FREM2: variants seen among roughly 807,000 people sequenced by gnomAD.
The protein encoded by FREM2 is FRAS1 related extracellular matrix 2.
FREM2 carries 119 observed loss-of-function variants against 219.9 expected under a neutral mutation model. The ratio of observed to expected loss-of-function variants is 0.54; its 90% CI spans 0.47 to 0.63. The LOEUF (loss-of-function observed/expected upper bound fraction) is 0.63, where lower values mean the gene tolerates loss of function less well. Ranked by LOEUF, FREM2 falls within the 30% of genes least tolerant of loss-of-function variation. The pLI, the probability that FREM2 is intolerant of heterozygous loss-of-function variation, is 0.00. For synonymous variants in FREM2, 1,562 were observed against 1,522.8 expected, an observed-to-expected ratio of 1.03 and a Z score of -0.60; for missense variants, 4,030 against 3,993.6, an observed-to-expected ratio of 1.01 and a Z score of -0.25.
chr13:38,827,678 G>A (rs140255532), intron 6 of FREM2: 45 of 152,240 alleles, frequency 3.0e-4, no homozygotes, highest in African/African-American at 9.6e-4. Flanking sequence ...TAACTGTTAA[G>A]TAAGTTATAT....
chr13:38,708,031 A>G (rs1593356240), intron 2 of FREM2, among the ~76,000 whole-genome samples: 1 of 152,186 alleles, frequency 6.6e-6, no homozygotes, highest in Admixed American at 6.5e-5. Context: ...CTCCATGGCC[A>G]TTGGTTCCTT....
intron 6 of FREM2, among the ~76,000 whole-genome samples, chr13:38,831,015 C>CGGGTACTTGCAGTATAGATCTGT (rs2137888391): frequency 6.6e-6 from 1 of 152,188 alleles, no homozygotes; most frequent in South Asian, 2.1e-4. Context: ...TAAAACCCCT[C>CGGGTACTTGCAGTATAGATCTGT]GGGTACTTGC....
chr13:38,795,819 C>T (rs1874748432), intron 6 of FREM2, among the ~76,000 whole-genome samples: 1 of 152,094 alleles, frequency 6.6e-6, no homozygotes, highest in African/African-American at 2.4e-5. Flanking sequence ...TCTTTAGCTC[C>T]CACTTACGAG....
intron 6 of FREM2, among the ~76,000 whole-genome samples, chr13:38,785,231 A>C (rs1004379348): frequency 6.6e-6 from 1 of 152,200 alleles, no homozygotes; most frequent in Non-Finnish European, 1.5e-5. Flanking sequence ...AGGCTGTTAA[A>C]TGAATAACTA....
intron 3 of FREM2, among the ~76,000 whole-genome samples, chr13:38,768,899 C>T (rs1442928761): frequency 1.3e-5 from 2 of 152,134 alleles, no homozygotes; most frequent in Non-Finnish European, 2.9e-5. Context: ...GAATGAACTA[C>T]CAGAGTAAGC....
At chr13:38,856,547 A>G (rs1032179701) in intron 12 of FREM2, among the ~76,000 whole-genome samples, 2 of 152,128 alleles carry the variant, frequency 1.3e-5, no homozygotes, top group African/African-American at 4.8e-5. Context: ...GTAATGATTC[A>G]TTGACCTTGG....
At chr13:38,736,989 G>A (rs777536187) in intron 2 of FREM2, among the ~76,000 whole-genome samples, 8 of 151,544 alleles carry the variant, frequency 5.3e-5, no homozygotes, top group Admixed American at 4.6e-4. Flanking sequence ...CTACTTAAAC[G>A]AATTTCTCCA....
chr13:38,826,264 G>A (rs528639170), intron 6 of FREM2, among the ~76,000 whole-genome samples: 63 of 152,216 alleles, frequency 4.1e-4, no homozygotes, highest in Admixed American at 2.9e-3. Flanking sequence ...CTGACTTCAC[G>A]TAGATCAAAT....
At chr13:38,735,252 A>G (rs540987517) in intron 2 of FREM2, among the ~76,000 whole-genome samples, 14 of 152,216 alleles carry the variant, frequency 9.2e-5, no homozygotes, top group Admixed American at 2.6e-4. Context: ...TTTCACCCTT[A>G]TATAGAAAAT....
At position 38,852,047 on chromosome 13, in the gene FREM2, T is replaced by C. The variant is rs139135170; in HGVS notation, c.6925+179T>C. Among the ~76,000 whole-genome samples the C allele has an allele frequency of 2.8e-4, 42 of 152,280 alleles. 1 individual carries two copies. Among genetic ancestry groups the C allele is most frequent in the African/African-American group, 9.1e-4 (38 of 41,564 alleles). On this transcript the variant is annotated intron_variant, in intron 11 of 23. Transcript: ENST00000280481. Reference sequence around the variant, plus strand: ...TTTGTTACATGGTTATATTATGTAGTAGTGAAGTCTAGTCTTTTAGTATCT... The same window carrying C: ...TTTGTTACATGGTTATATTATGTAGCAGTGAAGTCTAGTCTTTTAGTATCT...
At chr13:38,849,501 C>T (rs945237266) in intron 8 of FREM2, among the ~76,000 whole-genome samples, 3 of 152,184 alleles carry the variant, frequency 2.0e-5, no homozygotes, top group African/African-American at 2.4e-5. Context: ...CATGGCAGAG[C>T]TCTCTGACAC....
In FREM2 at chr13:38,857,855, T is replaced by C. The variant is rs776313183; in HGVS notation, c.7057-20T>C. 1.9e-6 allele frequency: 3 copies of C among 1,602,618 alleles called. No homozygotes were observed. Among genetic ancestry groups the C allele is most frequent in the African/African-American group, 2.7e-5 (2 of 74,704 alleles). ...AGTTTAATATTTCACTAATCAGTGATAATTGTCTTTTCCTTCTAGTTGACG... is the reference window on the plus strand; with the variant it reads ...AGTTTAATATTTCACTAATCAGTGACAATTGTCTTTTCCTTCTAGTTGACG... On this transcript the variant is annotated intron_variant, in intron 12 of 23. Coordinates refer to ENST00000280481, the MANE Select transcript of FREM2 (RefSeq NM_207361.6).
At chr13:38,754,639 A>C (rs1260655031) in intron 2 of FREM2, among the ~76,000 whole-genome samples, 1 of 152,162 alleles carries the variant, frequency 6.6e-6, no homozygotes, top group Non-Finnish European at 1.5e-5. Flanking sequence ...TGTGCGTATT[A>C]TCAAAATCAC....
chr13:38,812,435 G>C (rs1170996630), intron 6 of FREM2, among the ~76,000 whole-genome samples: 2 of 152,012 alleles, frequency 1.3e-5, no homozygotes, highest in Non-Finnish European at 2.9e-5. Flanking sequence ...TTAATGTCTT[G>C]CTTTTTATTT....
At chr13:38,844,408 T>C (rs1447325370) in intron 6 of FREM2, among the ~76,000 whole-genome samples, 1 of 152,134 alleles carries the variant, frequency 6.6e-6, no homozygotes, top group African/African-American at 2.4e-5. Context: ...ACTTAGAAGT[T>C]TTCAGAGTAC....
At chr13:38,798,410 T>C (rs914598992) in intron 6 of FREM2, among the ~76,000 whole-genome samples, 1 of 152,158 alleles carries the variant, frequency 6.6e-6, no homozygotes, top group African/African-American at 2.4e-5. Context: ...TCAGGGATAT[T>C]GGCCTATAGT....
intron 2 of FREM2, among the ~76,000 whole-genome samples, chr13:38,753,264 G>A (rs1305493514): frequency 3.3e-5 from 5 of 152,148 alleles, no homozygotes; most frequent in Non-Finnish European, 4.4e-5. Context: ...CCCAAATTAT[G>A]TATACACATA....
At chr13:38,845,071 A>AC (rs199951655) in intron 6 of FREM2, among the ~76,000 whole-genome samples, 2 of 148,724 alleles carry the variant, frequency 1.3e-5, no homozygotes, top group African/African-American at 5.0e-5. Context: ...GACATTTATC[A>AC]CCCCCGAACC....
At chr13:38,809,957 A>G (rs1468600347) in intron 6 of FREM2, among the ~76,000 whole-genome samples, 2 of 152,084 alleles carry the variant, frequency 1.3e-5, no homozygotes, top group Non-Finnish European at 1.5e-5. Context: ...CTTCTAATCT[A>G]TGCACATGAA....
Sources: allele counts gnomAD v4.1 joint callset (sites outside exome capture counted in the v4.1 genomes callset), GRCh38; gene constraint gnomAD v4.1.1; transcripts MANE v1.5; gene names NCBI Gene and HGNC (gene_info 2026-07-23, HGNC 2026-07-21).